OVCH2: variants seen among roughly 807,000 people sequenced by gnomAD.
The protein encoded by OVCH2 is ovochymase-2.
A neutral mutation model predicts 73.7 loss-of-function variants in OVCH2; 88 were observed. That is an observed-to-expected ratio of 1.19 (90% CI 1.01 to 1.43). OVCH2 has a LOEUF of 1.43. Ranked by LOEUF, OVCH2 falls within the 40% of genes most tolerant of loss-of-function variation. OVCH2 has a pLI of 0.00. For missense variants in OVCH2, 706 were observed against 674.5 expected, an observed-to-expected ratio of 1.05 and a Z score of -0.52; for synonymous variants, 265 against 234.5, an observed-to-expected ratio of 1.13 and a Z score of -1.19.
intron 14 of OVCH2, 48 bp downstream of exon 14, chr11:7,691,221 C>A: frequency 6.4e-7 from 1 of 1,553,912 alleles, no homozygotes; most frequent in African/African-American, 1.4e-5. Context: ...ATTCACATCA[C>A]AAGGATTAGA....
rs754991029 is a variant in OVCH2 at position 7,691,510 on chromosome 11, C to G, written c.1508-110G>C. On this transcript the variant is annotated intron_variant, in intron 13 of 15. Transcript: ENST00000533663. ...TCCTTCAGGTAATTGTTGAGAAATA[C>G]GCTTTTCACAATTCATTTTCTAAAT... The G allele has an allele frequency of 6.6e-5, 88 of 1,336,662 alleles. No individual in the cohort carries two copies. The African/African-American group carries it at 1.3e-3, about 20-fold the overall frequency. The allele number at this position is 1,336,662 out of a possible 1,614,324, so 82.8% of individuals were successfully genotyped here. A position where few individuals can be genotyped will look rare whatever the true frequency, so the allele number is the denominator to read the frequency against.
chr11:7,681,128 G>A, the OVCH2 span, among the ~76,000 whole-genome samples: 2 of 152,170 alleles, frequency 1.3e-5, no homozygotes, highest in African/African-American at 4.8e-5. Flanking sequence ...GAGGCTCGGA[G>A]GACTAGTACA....
intron 3 of OVCH2, 87 bp from the exon 4 acceptor site, chr11:7,702,416 G>C (rs1241423268): frequency 4.0e-6 from 4 of 1,008,250 alleles, no homozygotes; most frequent in Non-Finnish European, 5.6e-6. Flanking sequence ...TCTTTAAAAT[G>C]ATATGGATAA....
intron 14 of OVCH2, among the ~76,000 whole-genome samples, chr11:7,690,513 CCAT>C (rs60870471): frequency 0.78 from 117,513 of 151,534 alleles, 45,751 homozygotes; most frequent in Non-Finnish European, 0.8. Flanking sequence ...TAATGATTGG[CCAT>C]CAGGATTCAG....
chr11:7,701,852 G>T (rs951646184), intron 4 of OVCH2, 41 bp from the exon 5 acceptor site: 4 of 1,527,436 alleles, frequency 2.6e-6, no homozygotes, highest in Admixed American at 3.6e-5. Flanking sequence ...CATTCATGGA[G>T]GAGAGGACAC....
downstream of OVCH2, among the ~76,000 whole-genome samples, chr11:7,684,506 A>ATGTGTGTGTG (rs55770590): frequency 1.1e-4 from 15 of 141,436 alleles, no homozygotes; most frequent in South Asian, 4.8e-4. Context: ...ATACATACAT[A>ATGTGTGTGTG]TGTGTGTGTG....
chr11:7,692,284 A>AT (rs566207337), intron 12 of OVCH2, among the ~76,000 whole-genome samples: 1 of 152,044 alleles, frequency 6.6e-6, no homozygotes, highest in Non-Finnish European at 1.5e-5. Context: ...CCGCATGGGG[A>AT]TTTTTTTCCT....
chr11:7,687,840 G>T (rs1052890851), downstream of OVCH2, among the ~76,000 whole-genome samples: 3 of 152,038 alleles, frequency 2.0e-5, no homozygotes, highest in Non-Finnish European at 4.4e-5. Context: ...TCTGGTGAGG[G>T]CCCCCTTCCT....
chr11:7,695,845 A>T, intron 10 of OVCH2, 135 bp from the exon 11 acceptor site: 2 of 1,220,256 alleles, frequency 1.6e-6, no homozygotes, highest in Non-Finnish European at 2.3e-6. Context: ...GTCACAATTG[A>T]CATTTTGAGC....
At position 7,695,128 on chromosome 11, in the gene OVCH2, T is replaced by C. The variant is rs939100293; in HGVS notation, c.1343A>G (p.Tyr448Cys). ...FEEGLIQSLN[Y>C]PENYSDKANC... ...AGCCTTGTCACTGTAGTTTTCAGGA[T>C]AGTTTAGACTCTGTATGAGACCTTC... Residue 448 changes from tyrosine to cysteine, a missense_variant, in exon 12 of 16, where the codon TAT becomes TGT. Coordinates refer to ENST00000533663, the MANE Select transcript of OVCH2 (RefSeq NM_198185.7). 2.0e-5 allele frequency: 31 copies of C among 1,554,946 alleles called. 1 individual carries two copies. The South Asian group carries it at 2.4e-4, about 12-fold the overall frequency.
chr11:7,699,566 GT>G (rs1278216716), intron 7 of OVCH2: 1 of 152,146 alleles, frequency 6.6e-6, no homozygotes, highest in Non-Finnish European at 1.5e-5. Context: ...TTATTGTACT[GT>G]TATTTTTATT....
Position 7,689,998 on chromosome 11 carries a change from T to A in OVCH2, c.1655A>T (p.Asn552Ile), listed in dbSNP as rs1256542611. 2.0e-6 allele frequency: 3 copies of A among 1,523,236 alleles called. No homozygotes were observed. The African/African-American group carries it at 4.1e-5, about 21-fold the overall frequency. 94.4% of individuals were successfully genotyped at this position (1,523,236 alleles called of 1,614,324 possible). The change falls in exon 15 of 16, where the codon AAC becomes ATC. Residue 552 changes from asparagine (N) to isoleucine (I), a missense_variant. Asn to Ile is a moderately radical substitution (Grantham distance 149). Transcript: ENST00000533663. ...FIPKAVYPDL[N>I]ISISEDESMF... ...TGATTCATCCTCTGATATGGAGATG[T>A]TTAAATCTGGGTATACTGGGTATAA... is the stretch of plus-strand genomic sequence containing the variant.
the OVCH2 span, among the ~76,000 whole-genome samples, chr11:7,681,620 A>G: frequency 7.3e-4 from 110 of 150,888 alleles, 1 homozygote; most frequent in African/African-American, 2.7e-3. Context: ...ACCAATATTT[A>G]CAGCAGTTGC....
chr11:7,696,898 C>T lies in OVCH2; in HGVS notation c.926-99G>A, dbSNP rs144389683. 6.8e-4 allele frequency: 724 copies of T among 1,064,752 alleles called. 3 individuals are homozygous for T. In the African/African-American group the frequency reaches 0.01, roughly 15 times the overall value. The allele number at this position is 1,064,752 out of a possible 1,614,324, so 66.0% of individuals were successfully genotyped here. On this transcript the variant is annotated intron_variant, in intron 8 of 15. Transcript: ENST00000533663. ...CAAACACCATAGCCTCCTGGTTCTT[C>T]TTGATGTACTCTTCGTTCTTCATGA...
downstream of OVCH2, among the ~76,000 whole-genome samples, chr11:7,688,444 G>A (rs564312393): frequency 2.5e-4 from 38 of 152,186 alleles, no homozygotes; most frequent in African/African-American, 9.2e-4. Context: ...CCTGGTGGCC[G>A]AGAGAAGGAA....
In OVCH2 at chr11:7,701,698, T is replaced by C. The variant is rs373180996; in HGVS notation, c.559+18A>G. ...AGTTCTGACCTCTGCTTAAGAGGAA[T>C]GGCACACAAGTTCTTACCTTCAGTT... On this transcript the variant is annotated intron_variant, in intron 5 of 15. Transcript: ENST00000533663. 3 of 1,603,510 alleles carry C rather than the reference T, an allele frequency of 1.9e-6. No homozygotes were observed. Among genetic ancestry groups the C allele is most frequent in the African/African-American group, 1.3e-5 (1 of 74,556 alleles).
At chr11:7,695,751 A>G (rs1314585622) in intron 10 of OVCH2, 41 bp from the exon 11 acceptor site, 5 of 1,568,324 alleles carry the variant, frequency 3.2e-6, no homozygotes, top group Admixed American at 3.8e-5. Context: ...CAGAATCTAG[A>G]AAATAGTTCC....
At chr11:7,697,162 G>C (rs1236855781) in intron 8 of OVCH2, among the ~76,000 whole-genome samples, 5 of 151,984 alleles carry the variant, frequency 3.3e-5, no homozygotes, top group African/African-American at 1.2e-4. Context: ...TCAGCCTGTC[G>C]GGCAGCTGAG....
the OVCH2 span, among the ~76,000 whole-genome samples, chr11:7,681,853 C>CAAA: frequency 4.3e-5 from 4 of 92,980 alleles, no homozygotes; most frequent in Non-Finnish European, 4.7e-5. Context: ...GGGAAATGTC[C>CAAA]AAAAAAAAAA....
Sources: gnomAD v4.1 joint callset for allele counts (sites outside exome capture counted in the v4.1 genomes callset) on GRCh38, gnomAD v4.1.1 for gene constraint, MANE v1.5 for transcripts, NCBI Gene and HGNC (gene_info 2026-07-23, HGNC 2026-07-21) for gene names.